The following TFDP2 variants were observed in gnomAD, a reference collection of about 807,000 sequenced individuals.
The protein encoded by TFDP2 is transcription factor Dp-2 (E2F dimerization partner 2).
Under a neutral mutation model 59.3 loss-of-function variants are expected in TFDP2, and 17 were observed. The ratio of observed to expected loss-of-function variants is 0.29; its 90% CI spans 0.20 to 0.43. The LOEUF (loss-of-function observed/expected upper bound fraction) is 0.43, where lower values mean the gene tolerates loss of function less well. Among genes scored for constraint, TFDP2 ranks in the 20% least tolerant of loss-of-function variants. The pLI, the probability that TFDP2 is intolerant of heterozygous loss-of-function variation, is 1.00. For synonymous variants in TFDP2, 180 were observed against 194.7 expected (o/e 0.92, Z 0.63); for missense variants, 391 against 528.8 (o/e 0.74, Z 2.56).
intron 11 of TFDP2, among the ~76,000 whole-genome samples, chr3:141,954,672 G>C (rs1012533774): frequency 4.0e-5 from 6 of 151,858 alleles, no homozygotes; most frequent in African/African-American, 1.4e-4. Flanking sequence ...CTGAATGAAT[G>C]AGTATAGTCT....
intron 3 of TFDP2, among the ~76,000 whole-genome samples, chr3:142,072,576 G>A (rs992307620): frequency 4.6e-5 from 7 of 152,116 alleles, no homozygotes; most frequent in South Asian, 2.1e-4. Context: ...TCTGAGGACC[G>A]GGCAGGAAAT....
rs1380617770 is a variant in TFDP2, at chr3:142,108,447, T to C, written c.-92-6606A>G. On this transcript the variant is annotated intron_variant, in intron 1 of 12. Coordinates refer to ENST00000489671, the MANE Select transcript of TFDP2 (RefSeq NM_001178139.2). ...CTGGTTTCAAACTCCTGACCTCAAG[T>C]GACCCGCCCACCTCGGCCTCCCAAA... Among the ~76,000 whole-genome samples, 4 of 152,104 alleles carry C rather than the reference T, an allele frequency of 2.6e-5. No homozygotes were observed. The South Asian group carries it at 6.2e-4, about 24-fold the overall frequency.
rs1023345058 is a variant in TFDP2 at position 141,948,895 on chromosome 3, G to T, written c.*3618C>A. 3 of 152,126 alleles carry T rather than the reference G, an allele frequency of 2.0e-5. No homozygotes were observed. The highest frequency in any genetic ancestry group is 7.2e-5 in the African/African-American group (3 of 41,456). The allele number at this position is 152,126 out of a possible 1,614,324, so 9.4% of individuals were successfully genotyped here. On this transcript the variant is annotated 3_prime_UTR_variant, in exon 13 of 13. Coordinates refer to ENST00000489671, the MANE Select transcript of TFDP2 (RefSeq NM_001178139.2). ...CGAGAGGGGTGGATCATAAGGTCAG[G>T]AGATCGAGACCATCCTGGCTAACAC...
intron 7 of TFDP2, 70 bp downstream of exon 7, chr3:141,978,450 C>A: frequency 1.4e-6 from 2 of 1,467,074 alleles, no homozygotes; most frequent in South Asian, 1.4e-5. Flanking sequence ...TTCCTCAAAT[C>A]TATAACAAAG....
chr3:142,033,494 G>A (rs573879444), intron 3 of TFDP2, among the ~76,000 whole-genome samples: 1 of 152,000 alleles, frequency 6.6e-6, no homozygotes, highest in South Asian at 2.1e-4. Flanking sequence ...AACTTAGTGG[G>A]GCCCACAGAA....
At chr3:141,987,908 C>T (rs1942295625) in intron 6 of TFDP2, among the ~76,000 whole-genome samples, 1 of 146,176 alleles carries the variant, frequency 6.8e-6, no homozygotes, top group Non-Finnish European at 1.5e-5. Flanking sequence ...CACTGCACTC[C>T]AGCCTGGACG....
intron 3 of TFDP2, among the ~76,000 whole-genome samples, chr3:142,069,628 C>T (rs192564051): frequency 6.7e-5 from 10 of 148,222 alleles, no homozygotes; most frequent in Admixed American, 3.4e-4. Flanking sequence ...TTTTTTGAGA[C>T]GGAGTTTCGC....
intron 4 of TFDP2, among the ~76,000 whole-genome samples, chr3:141,997,869 A>G (rs1004141866): frequency 4.6e-5 from 7 of 151,276 alleles, no homozygotes; most frequent in East Asian, 3.9e-4. Flanking sequence ...AAAAAAAAAA[A>G]AGAGAAAGAA....
At chr3:141,967,532 G>T (rs1461348794) in intron 9 of TFDP2, among the ~76,000 whole-genome samples, 1 of 152,106 alleles carries the variant, frequency 6.6e-6, no homozygotes, top group Non-Finnish European at 1.5e-5. Context: ...GAACTCAGGT[G>T]ATCTGCCCGT....
At chr3:141,984,411 T>C (rs1307032685) in intron 6 of TFDP2, among the ~76,000 whole-genome samples, 1 of 152,072 alleles carries the variant, frequency 6.6e-6, no homozygotes, top group African/African-American at 2.4e-5. Flanking sequence ...GCAGAAGAAC[T>C]GCTTGAACCC....
chr3:142,034,780 A>G (rs1215842563), intron 3 of TFDP2, among the ~76,000 whole-genome samples: 3 of 148,980 alleles, frequency 2.0e-5, no homozygotes, highest in Non-Finnish European at 4.4e-5. Flanking sequence ...CAGTGGCGCA[A>G]TCTCGGCTCA....
At chr3:141,977,486 G>A (rs1940873697) in intron 7 of TFDP2, among the ~76,000 whole-genome samples, 1 of 151,744 alleles carries the variant, frequency 6.6e-6, no homozygotes, top group African/African-American at 2.4e-5. Context: ...CAGCTACTCA[G>A]GATGCTGAGG....
chr3:141,992,077 A>G (rs111702555), intron 6 of TFDP2, among the ~76,000 whole-genome samples: 5 of 145,886 alleles, frequency 3.4e-5, no homozygotes, highest in East Asian at 4.0e-4. Flanking sequence ...AAAGAAAGAA[A>G]GAAGGAAGGA....
intron 4 of TFDP2, among the ~76,000 whole-genome samples, chr3:142,002,871 G>C (rs78272662): frequency 0.07 from 10,652 of 152,192 alleles, 473 homozygotes; most frequent in Non-Finnish European, 0.11. Flanking sequence ...ATTTCTTATA[G>C]TTCTGGTGGC....
chr3:142,083,178 A>C (rs1395290842), intron 3 of TFDP2, among the ~76,000 whole-genome samples: 3 of 152,246 alleles, frequency 2.0e-5, no homozygotes, highest in Non-Finnish European at 4.4e-5. Flanking sequence ...TGCAGGACAC[A>C]AATCAACATA....
At chr3:142,033,468 A>G (rs2108418691) in intron 3 of TFDP2, among the ~76,000 whole-genome samples, 1 of 152,230 alleles carries the variant, frequency 6.6e-6, no homozygotes, top group East Asian at 1.9e-4. Flanking sequence ...CAAAACCCCT[A>G]TGCATGCTTT....
chr3:142,097,093 T>C (rs1274693761), intron 2 of TFDP2, among the ~76,000 whole-genome samples: 2 of 152,138 alleles, frequency 1.3e-5, no homozygotes, highest in South Asian at 2.1e-4. Context: ...ATCAGAGAAA[T>C]GTAATAAATT....
At chr3:142,019,053 ATTTTTTT>A (rs62999460) in intron 3 of TFDP2, among the ~76,000 whole-genome samples, 1 of 140,316 alleles carries the variant, frequency 7.1e-6, no homozygotes, top group East Asian at 2.1e-4. Context: ...TTCTTCGCAC[ATTTTTTT>A]TTTTTTTTTT....
intron 6 of TFDP2, among the ~76,000 whole-genome samples, chr3:141,981,684 A>G (rs1941503881): frequency 6.6e-6 from 1 of 152,204 alleles, no homozygotes; most frequent in Admixed American, 6.5e-5. Context: ...TGACATTTTC[A>G]GTTAGGCAGA....
Sources: gnomAD v4.1 joint callset for allele counts (sites outside exome capture counted in the v4.1 genomes callset) on GRCh38, gnomAD v4.1.1 for gene constraint, MANE v1.5 for transcripts, NCBI Gene and HGNC (gene_info 2026-07-23, HGNC 2026-07-21) for gene names.